The following MYO5A variants were observed in gnomAD, a reference collection of about 807,000 sequenced individuals.
The protein encoded by MYO5A is unconventional myosin-Va.
Under a neutral mutation model 249.7 loss-of-function variants are expected in MYO5A, and 98 were observed. The ratio of observed to expected loss-of-function variants is 0.39; its 90% confidence interval spans 0.33 to 0.46. The LOEUF is 0.46. MYO5A is among the 20% of genes least tolerant of loss of function. The probability of loss-of-function intolerance (pLI) is 0.98; values close to 1 mark genes in which losing one functional copy is unlikely to be tolerated. For missense variants in MYO5A, 1,696 were observed against 2,308.8 expected, an observed-to-expected ratio of 0.73 and a Z score of 5.44; for synonymous variants, 778 against 810.6, an observed-to-expected ratio of 0.96 and a Z score of 0.68.
chr15:52,397,085 G>T, intron 10 of MYO5A, 116 bp downstream of exon 10: 1 of 1,275,680 alleles, frequency 7.8e-7, no homozygotes, highest in Non-Finnish European at 1.1e-6. Flanking sequence ...ATTGTCATAG[G>T]CAAAGTTTCC....
rs760229317 is a variant in MYO5A, at chr15:52,433,159, G to GA, written c.138+15dup. 6.5e-7 allele frequency: 1 copy of GA among 1,535,202 alleles called. No homozygotes were observed. Among genetic ancestry groups the GA allele is most frequent in the South Asian group, 1.1e-5 (1 of 89,376 alleles). ...TCACTTTATGCCAATGACAACAAAT[G>GA]AAAGTGAGATCTCACCTTTCCTTCC... On this transcript the variant is annotated intron_variant, in intron 2 of 41. Coordinates refer to ENST00000399233, the MANE Select transcript of MYO5A (RefSeq NM_001382347.1).
rs536712705 is a variant in MYO5A at position 52,478,595 on chromosome 15, T to C, written c.28-45310A>G. ...ATTTTTAAAAGAGTGAACCTCTTTC[T>C]AAAATTATCAAACTATCCTTTGCTG... On this transcript the variant is annotated intron_variant, in intron 1 of 41. Coordinates refer to ENST00000399233, the MANE Select transcript of MYO5A (RefSeq NM_001382347.1). Among the ~76,000 whole-genome samples the C allele has an allele frequency of 4.6e-5, 7 of 152,372 alleles. No individual in the cohort carries two copies. The East Asian group carries it at 1.2e-3, about 25-fold the overall frequency.
intron 39 of MYO5A, among the ~76,000 whole-genome samples, chr15:52,318,181 C>T (rs776566901): frequency 3.9e-5 from 6 of 152,046 alleles, no homozygotes; most frequent in Non-Finnish European, 8.8e-5. Context: ...TGTGGCCCAG[C>T]ACGGTGGCTC....
At chr15:52,459,146 A>ATTTTTTTTT (rs199923318) in intron 1 of MYO5A, among the ~76,000 whole-genome samples, 143 of 49,072 alleles carry the variant, frequency 2.9e-3, no homozygotes, top group Non-Finnish European at 4.2e-3. Flanking sequence ...ATTTTCCAGA[A>ATTTTTTTTT]ATTTTTTTTT....
intron 1 of MYO5A, among the ~76,000 whole-genome samples, chr15:52,461,589 T>A (rs886866838): frequency 2.0e-5 from 3 of 152,168 alleles, no homozygotes; most frequent in Non-Finnish European, 4.4e-5. Flanking sequence ...TTAGTAAAAC[T>A]TATTCATATT....
rs141831814 is a variant in MYO5A at position 52,319,776 on chromosome 15, A to G, written c.4952-434T>C. The stretch of plus-strand genomic sequence containing the variant: ...GGGTGCCAAAATAGAGGGAAAAGGA[A>G]CTTCACTACAAAAGGGCTTCCGGAT... On this transcript the variant is annotated intron_variant, in intron 38 of 41. Coordinates refer to ENST00000399233, the MANE Select transcript of MYO5A (RefSeq NM_001382347.1). Among the ~76,000 whole-genome samples the G allele has an allele frequency of 1.4e-3, 206 of 152,318 alleles. 1 individual carries two copies. Among genetic ancestry groups the G allele is most frequent in the Non-Finnish European group, 2.5e-3 (171 of 68,032 alleles).
intron 1 of MYO5A, among the ~76,000 whole-genome samples, chr15:52,520,934 AGAGT>A (rs1287808384): frequency 6.6e-6 from 1 of 152,186 alleles, no homozygotes; most frequent in African/African-American, 2.4e-5. Flanking sequence ...TGGATGTCAA[AGAGT>A]CTACTATAGG....
Position 52,379,611 on chromosome 15 carries a change from G to T in MYO5A, c.2208+14C>A. ...GCCTTCTGCTCAGATGACGGTAAGC[G>T]AAATCATTCTCACCAGTATCAGTTT... On this transcript the variant is annotated intron_variant, in intron 18 of 41. Coordinates refer to ENST00000399233, the MANE Select transcript of MYO5A (RefSeq NM_001382347.1). 2 of 1,609,216 alleles carry T rather than the reference G, an allele frequency of 1.2e-6. No homozygotes were observed. The highest frequency in any genetic ancestry group is 8.5e-7 in the Non-Finnish European group (1 of 1,175,534).
intron 4 of MYO5A, among the ~76,000 whole-genome samples, chr15:52,420,907 T>C (rs992452624): frequency 2.6e-5 from 4 of 152,158 alleles, no homozygotes; most frequent in African/African-American, 9.7e-5. Context: ...GATTCAAATC[T>C]CAGCTCTTAG....
At chr15:52,482,390 G>T (rs890592446) in intron 1 of MYO5A, among the ~76,000 whole-genome samples, 1 of 152,132 alleles carries the variant, frequency 6.6e-6, no homozygotes, top group Non-Finnish European at 1.5e-5. Context: ...TGCTGAAGAG[G>T]GAAGAGGATA....
At chr15:52,393,632 A>T (rs890312643) in intron 11 of MYO5A, among the ~76,000 whole-genome samples, 9 of 152,096 alleles carry the variant, frequency 5.9e-5, no homozygotes, top group Admixed American at 5.9e-4. Context: ...TGACCTCATG[A>T]TCTGCCTGTC....
intron 12 of MYO5A, among the ~76,000 whole-genome samples, chr15:52,390,880 G>A (rs184398333): frequency 3.3e-5 from 5 of 151,976 alleles, no homozygotes; most frequent in East Asian, 1.9e-4. Flanking sequence ...CTCTTTGAAG[G>A]CATGTATGTG....
chr15:52,353,810 G>A, intron 26 of MYO5A, 61 bp downstream of exon 26: 2 of 1,609,796 alleles, frequency 1.2e-6, no homozygotes, highest in Non-Finnish European at 1.7e-6. Flanking sequence ...CACTAAGGAA[G>A]AGACTGCTGA....
At chr15:52,522,963 T>C (rs1478093220) in intron 1 of MYO5A, among the ~76,000 whole-genome samples, 1 of 152,160 alleles carries the variant, frequency 6.6e-6, no homozygotes, top group African/African-American at 2.4e-5. Flanking sequence ...CTTTCACACT[T>C]CAAGAAACAG....
chr15:52,376,222 T>C (rs1596367750), intron 19 of MYO5A, 125 bp downstream of exon 19: 1 of 847,540 alleles, frequency 1.2e-6, no homozygotes, highest in East Asian at 2.6e-5. Flanking sequence ...TATGAGTTAA[T>C]TTGTTGTCCC....
At chr15:52,426,495 C>G (rs1231091577) in intron 3 of MYO5A, among the ~76,000 whole-genome samples, 1 of 152,140 alleles carries the variant, frequency 6.6e-6, no homozygotes. Context: ...TAGGGTCTCA[C>G]CCTGTCACCC....
chr15:52,381,318 CAGAG>C (rs1369879950), intron 16 of MYO5A, among the ~76,000 whole-genome samples: 1 of 152,056 alleles, frequency 6.6e-6, no homozygotes. Flanking sequence ...GGTGATGAAG[CAGAG>C]AGAAAGACAG....
intron 9 of MYO5A, among the ~76,000 whole-genome samples, chr15:52,404,798 G>A (rs1020644462): frequency 2.0e-5 from 3 of 152,126 alleles, no homozygotes; most frequent in Non-Finnish European, 2.9e-5. Flanking sequence ...GATGTAGAGT[G>A]TGAGAAACAA....
At chr15:52,370,941 G>A (rs551947168) in intron 21 of MYO5A, among the ~76,000 whole-genome samples, 11 of 147,530 alleles carry the variant, frequency 7.5e-5, no homozygotes, top group South Asian at 6.3e-4. Flanking sequence ...ATGAGACCCC[G>A]TCTTTACAAA....
Sources: gnomAD v4.1 joint callset for allele counts (sites outside exome capture counted in the v4.1 genomes callset) on GRCh38, gnomAD v4.1.1 for gene constraint, MANE v1.5 for transcripts, NCBI Gene and HGNC (gene_info 2026-07-23, HGNC 2026-07-21) for gene names.